KCNG2: variants seen among roughly 807,000 people sequenced by gnomAD.
KCNG2 encodes the protein potassium voltage-gated channel modifier subfamily G member 2.
A neutral mutation model predicts 12.3 loss-of-function variants in KCNG2; 7 were observed. The ratio of observed to expected loss-of-function variants is 0.57; its 90% confidence interval spans 0.32 to 1.07. KCNG2 has a LOEUF of 1.07. Among genes scored for constraint, KCNG2 ranks in the 50% least tolerant of loss-of-function variants. KCNG2 has a pLI of 0.04. For synonymous variants in KCNG2, 414 were observed against 351.4 expected, an observed-to-expected ratio of 1.18 and a Z score of -1.99; for missense variants, 703 against 726.0, an observed-to-expected ratio of 0.97 and a Z score of 0.36.
At chr18:79,890,853 T>C (rs187743169) in intron 3 of KCNG2, among the ~76,000 whole-genome samples, 1 of 152,372 alleles carries the variant, frequency 6.6e-6, no homozygotes, top group Non-Finnish European at 1.5e-5. Context: ...CGGCGCACGA[T>C]TATTCACAGT....
rs765918989 is a variant in KCNG2 at position 79,899,330 on chromosome 18, G to C, written c.915G>C (p.Ser305=). 1.3e-6 allele frequency: 2 copies of C among 1,551,646 alleles called. No individual in the cohort carries two copies. The highest frequency in any genetic ancestry group is 1.7e-6 in the Non-Finnish European group (2 of 1,157,972). Residue 305 remains serine (S), a synonymous_variant, in exon 4 of 4, where the codon TCG becomes TCC. Transcript: ENST00000316249. ...ACGTGATGCGCCTGGCGCGCCACTC[G>C]CTGGGGCTGCGTTCGCTGGGCCTGA... ...VLYVMRLARH[S]LGLRSLGLTM...
chr18:79,835,748 G>A (rs552957), intron 1 of KCNG2, among the ~76,000 whole-genome samples: 40,241 of 152,200 alleles, frequency 0.26, 6,487 homozygotes, highest in South Asian at 0.45. Flanking sequence ...GTAGAGGGAT[G>A]TGTAAGACTA....
rs1969741072 is a variant in KCNG2 at position 79,899,664 on chromosome 18, G to C, written c.1249G>C (p.Glu417Gln). Reference sequence around the variant, plus strand: ...TTCGCGCTCCTACTCCGAGCTCAAGGAGCAGCAGCAGCGCGCGGCCAGCCC... The same window carrying C: ...TTCGCGCTCCTACTCCGAGCTCAAGCAGCAGCAGCAGCGCGCGGCCAGCCC... ...TFSRSYSELK[E>Q]QQQRAASPEP... Residue 417 changes from glutamate to glutamine, a missense_variant, in exon 4 of 4, where the codon GAG becomes CAG. Physicochemically the swap from Glu to Gln is conservative, Grantham distance 29. Coordinates refer to ENST00000316249, the MANE Select transcript of KCNG2 (RefSeq NM_012283.2). The C allele has an allele frequency of 6.2e-7, 1 of 1,607,656 alleles. No individual in the cohort carries two copies.
chr18:79,801,206 TTTGA>T (rs2122984497), intron 1 of KCNG2, among the ~76,000 whole-genome samples: 1 of 152,354 alleles, frequency 6.6e-6, no homozygotes, highest in South Asian at 2.1e-4. Flanking sequence ...AGTATTTTAA[TTTGA>T]TTATGAGTTT....
At chr18:79,847,232 A>G (rs905700354) in intron 1 of KCNG2, among the ~76,000 whole-genome samples, 1 of 152,184 alleles carries the variant, frequency 6.6e-6, no homozygotes, top group Admixed American at 6.5e-5. Flanking sequence ...AAGGTCCCCC[A>G]GGTGCCTTGG....
intron 3 of KCNG2, chr18:79,876,420 G>C (rs940333132): frequency 6.6e-6 from 1 of 152,526 alleles, no homozygotes; most frequent in South Asian, 2.1e-4. Context: ...AGTCACCTGC[G>C]GCGTGGCCAC....
chr18:79,827,834 T>A (rs1227897530), intron 1 of KCNG2, among the ~76,000 whole-genome samples: 2 of 152,222 alleles, frequency 1.3e-5, no homozygotes, highest in East Asian at 3.8e-4. Context: ...GTTTTAACAA[T>A]GTACCAATTA....
intron 1 of KCNG2, among the ~76,000 whole-genome samples, chr18:79,845,035 T>C (rs989260711): frequency 4.6e-5 from 7 of 152,196 alleles, no homozygotes; most frequent in African/African-American, 1.4e-4. Context: ...TTCTCCCACT[T>C]GTGGTTAAAC....
At chr18:79,888,503 C>T (rs111550491) in intron 3 of KCNG2, among the ~76,000 whole-genome samples, 4 of 143,680 alleles carry the variant, frequency 2.8e-5, no homozygotes, top group East Asian at 2.1e-4. Flanking sequence ...CTCATGAGGC[C>T]GCGGTGGGGC....
chr18:79,824,024 A>G (rs527260239), intron 1 of KCNG2, among the ~76,000 whole-genome samples: 5 of 152,238 alleles, frequency 3.3e-5, no homozygotes, highest in Non-Finnish European at 7.4e-5. Context: ...AATTTTTGAG[A>G]CAAGATCTCA....
chr18:79,895,963 T>G (rs982702498), intron 3 of KCNG2, among the ~76,000 whole-genome samples: 1 of 152,208 alleles, frequency 6.6e-6, no homozygotes, highest in Non-Finnish European at 1.5e-5. Flanking sequence ...ACTAATTAGA[T>G]ATATATATGT....
At chr18:79,891,272 C>G (rs966252081) in intron 3 of KCNG2, among the ~76,000 whole-genome samples, 1 of 151,812 alleles carries the variant, frequency 6.6e-6, no homozygotes, top group African/African-American at 2.4e-5. Flanking sequence ...GCTCTGTCAC[C>G]CAGGCTGGAG....
At chr18:79,863,080 C>T (rs2123065316) in intron 2 of KCNG2, among the ~76,000 whole-genome samples, 1 of 152,322 alleles carries the variant, frequency 6.6e-6, no homozygotes, top group Middle Eastern at 3.4e-3. Flanking sequence ...CCAGGTTTTC[C>T]ATTGTGTTAA....
At position 79,885,825 on chromosome 18, in the gene KCNG2, G is replaced by C. The variant is rs111746258; in HGVS notation, c.625-13215G>C. Reference sequence around the variant, plus strand: ...GATGGGAACATAGGGACGTGGGGACGGGGACATGGGGACACGGGACAGGGA... The same window carrying C: ...GATGGGAACATAGGGACGTGGGGACCGGGACATGGGGACACGGGACAGGGA... On this transcript the variant is annotated intron_variant, in intron 3 of 3. Coordinates refer to ENST00000316249, the MANE Select transcript of KCNG2 (RefSeq NM_012283.2). Among the ~76,000 whole-genome samples the C allele has an allele frequency of 2.0e-5, 2 of 98,812 alleles. 1 individual carries two copies. The highest frequency in any genetic ancestry group is 4.5e-5 in the Non-Finnish European group (2 of 44,700). 64.8% of individuals were successfully genotyped at this position (98,812 alleles called of 152,430 possible).
intron 1 of KCNG2, among the ~76,000 whole-genome samples, chr18:79,855,381 G>A (rs4799093): frequency 0.38 from 57,355 of 151,894 alleles, 11,979 homozygotes; most frequent in Non-Finnish European, 0.46. Context: ...CACGGTAGTC[G>A]TGACCATCAC....
intron 1 of KCNG2, among the ~76,000 whole-genome samples, chr18:79,826,697 A>C (rs1374476797): frequency 6.8e-6 from 1 of 147,212 alleles, no homozygotes. Context: ...CTCCTCACGG[A>C]AGGTTAGTTC....
intron 1 of KCNG2, among the ~76,000 whole-genome samples, chr18:79,810,337 C>T (rs1485533983): frequency 2.0e-5 from 3 of 152,152 alleles, no homozygotes; most frequent in Non-Finnish European, 4.4e-5. Flanking sequence ...GGAAGCACCA[C>T]GCCTAGTCCC....
intron 3 of KCNG2, among the ~76,000 whole-genome samples, chr18:79,898,824 G>A (rs753731167): frequency 1.3e-5 from 2 of 152,248 alleles, no homozygotes; most frequent in Non-Finnish European, 2.9e-5. Context: ...AAGCGCATCC[G>A]CTCTCAAGCC....
intron 1 of KCNG2, among the ~76,000 whole-genome samples, chr18:79,815,878 CA>C (rs1426800500): frequency 6.6e-6 from 1 of 152,238 alleles, no homozygotes; most frequent in African/African-American, 2.4e-5. Flanking sequence ...TGCACTGCCA[CA>C]GGGGGGTGGC....
Sources: allele counts gnomAD v4.1 joint callset (sites outside exome capture counted in the v4.1 genomes callset), GRCh38; gene constraint gnomAD v4.1.1; transcripts MANE v1.5; gene names NCBI Gene and HGNC (gene_info 2026-07-23, HGNC 2026-07-21).